The following FREM2 variants were observed in gnomAD, a reference collection of about 807,000 sequenced individuals.
FREM2 encodes FRAS1-related extracellular matrix protein 2.
A neutral mutation model predicts 219.9 loss-of-function variants in FREM2; 119 were observed. That is an observed-to-expected ratio of 0.54 (90% CI 0.47 to 0.63). The LOEUF is 0.63. FREM2 is among the 30% of genes least tolerant of loss of function. The pLI is 0.00. For synonymous variants in FREM2, 1,562 were observed against 1,522.8 expected (o/e 1.03, Z -0.60); for missense variants, 4,030 against 3,993.6 (o/e 1.01, Z -0.25).
intron 8 of FREM2, 56 bp downstream of exon 8, chr13:38,848,726 T>C (rs2137909095): frequency 7.3e-7 from 1 of 1,370,140 alleles, no homozygotes; most frequent in Non-Finnish European, 1.0e-6. Flanking sequence ...TAAGCTAAGG[T>C]TTATGTATAT....
intron 8 of FREM2, 23 bp from the exon 9 acceptor site, chr13:38,850,015 A>G: frequency 6.2e-7 from 1 of 1,602,190 alleles, no homozygotes; most frequent in Non-Finnish European, 8.6e-7. Context: ...ATTTCTGTTC[A>G]CTTTAATCCT....
chr13:38,697,691 T>C lies in FREM2; in HGVS notation c.5174-7T>C. On this transcript the variant is annotated splice_region_variant and splice_polypyrimidine_tract_variant and intron_variant, in intron 1 of 23. Coordinates refer to ENST00000280481, the MANE Select transcript of FREM2 (RefSeq NM_207361.6). ...ATTAATCATCTTGTTTTTTGGTTAT[T>C]TTCTAGCTGACATTGATGACATGAA... 1.3e-6 allele frequency: 2 copies of C among 1,543,706 alleles called. No homozygotes were observed. The highest frequency in any genetic ancestry group is 2.7e-5 in the African/African-American group (2 of 73,764).
chr13:38,708,222 A>G (rs1870617306), intron 2 of FREM2, among the ~76,000 whole-genome samples: 1 of 152,246 alleles, frequency 6.6e-6, no homozygotes, highest in African/African-American at 2.4e-5. Context: ...GTGCCTGAGT[A>G]CATATAGGTG....
intron 6 of FREM2, among the ~76,000 whole-genome samples, chr13:38,808,582 G>C (rs1239527603): frequency 6.6e-6 from 1 of 151,834 alleles, no homozygotes; most frequent in East Asian, 2.0e-4. Context: ...GGAATACAGA[G>C]GCCCAAGGAA....
rs1214328794 is a variant in FREM2, at chr13:38,738,571, A to T, written c.5264-25733A>T. Reference sequence around the variant, plus strand: ...ACAGAGTGAGACTCCATCTCAAAAAAAAAAAAAAAAAAAAAAAAAAGAGAG... The same window carrying T: ...ACAGAGTGAGACTCCATCTCAAAAATAAAAAAAAAAAAAAAAAAAAGAGAG... On this transcript the variant is annotated intron_variant, in intron 2 of 23. Transcript: ENST00000280481. Among the ~76,000 whole-genome samples, 22 of 146,212 alleles carry T rather than the reference A, an allele frequency of 1.5e-4. No individual in the cohort carries two copies. In the East Asian group the frequency reaches 2.5e-3, roughly 17 times the overall value.
intron 6 of FREM2, among the ~76,000 whole-genome samples, chr13:38,826,331 G>GCATTT (rs1876284014): frequency 6.6e-6 from 1 of 152,086 alleles, no homozygotes; most frequent in South Asian, 2.1e-4. Flanking sequence ...CCAGTGTCGG[G>GCATTT]CATTTCGTAA....
At position 38,689,197 on chromosome 13, in the gene FREM2, C is replaced by T; in HGVS notation, c.1853C>T (p.Pro618Leu). 6.2e-7 allele frequency: 1 copy of T among 1,614,082 alleles called. No homozygotes were observed. The highest frequency in any genetic ancestry group is 8.5e-7 in the Non-Finnish European group (1 of 1,180,026). Residue 618 changes from proline (P) to leucine (L), a missense_variant, in exon 1 of 24, where the codon CCC becomes CTC. Pro to Leu is a moderately conservative substitution (Grantham distance 98). Coordinates refer to ENST00000280481, the MANE Select transcript of FREM2 (RefSeq NM_207361.6). ...GHLLLRQTHP[P>L]HEKQELLRGL... ...CTGCTTCTCCGCCAAACTCACCCTC[C>T]CCATGAGAAGCAGGAACTTCTCAGA... is the stretch of plus-strand genomic sequence containing the variant.
At chr13:38,756,126 C>A (rs192145295) in intron 2 of FREM2, among the ~76,000 whole-genome samples, 20 of 152,320 alleles carry the variant, frequency 1.3e-4, no homozygotes, top group African/African-American at 4.3e-4. Context: ...CATTTTTCTG[C>A]TCCTGTGCTC....
rs140143439 is a variant in FREM2, at chr13:38,775,227, G to A, written c.5641+5419G>A. ...CATTCTTATTTTTGAAATTCTACACGTTGTCAGTGTTGACATAAGGAGGTC... is the reference window on the plus strand; with the variant it reads ...CATTCTTATTTTTGAAATTCTACACATTGTCAGTGTTGACATAAGGAGGTC... On this transcript the variant is annotated intron_variant, in intron 4 of 23. Coordinates refer to ENST00000280481, the MANE Select transcript of FREM2 (RefSeq NM_207361.6). 1.3e-3 allele frequency among the ~76,000 whole-genome samples: 195 copies of A among 152,232 alleles called. 6 individuals are homozygous for A. The East Asian group carries it at 0.035, about 28-fold the overall frequency.
intron 7 of FREM2, 124 bp downstream of exon 7, chr13:38,846,846 C>A: frequency 2.8e-6 from 3 of 1,075,002 alleles, no homozygotes; most frequent in Non-Finnish European, 4.3e-6. Context: ...ATTGTTTTTG[C>A]TGAAATTATT....
intron 6 of FREM2, among the ~76,000 whole-genome samples, chr13:38,804,008 T>G (rs1301364888): frequency 6.6e-6 from 1 of 152,038 alleles, no homozygotes; most frequent in Non-Finnish European, 1.5e-5. Context: ...TTATTTGCAT[T>G]ACGCTTGCAA....
Position 38,885,537 on chromosome 13 carries a change from T to A in FREM2, c.*4750T>A, listed in dbSNP as rs1878698011. 6.6e-6 allele frequency: 1 copy of A among 152,140 alleles called. No individual in the cohort carries two copies. Among genetic ancestry groups the A allele is most frequent in the Non-Finnish European group, 1.5e-5 (1 of 68,000 alleles). 9.4% of individuals were successfully genotyped at this position (152,140 alleles called of 1,614,324 possible). ...TAATTTGTTGAACTATAGGTTTCTT[T>A]CTGAGATGTATTTTTCATTCTTCCA... On this transcript the variant is annotated 3_prime_UTR_variant, in exon 24 of 24. Coordinates refer to ENST00000280481, the MANE Select transcript of FREM2 (RefSeq NM_207361.6).
intron 2 of FREM2, among the ~76,000 whole-genome samples, chr13:38,713,469 G>T (rs904343810): frequency 2.0e-5 from 3 of 152,086 alleles, no homozygotes; most frequent in Non-Finnish European, 4.4e-5. Context: ...ATTATTTTTT[G>T]TCACCTACTG....
intron 6 of FREM2, among the ~76,000 whole-genome samples, chr13:38,797,744 T>C (rs1874849628): frequency 6.6e-6 from 1 of 152,044 alleles, no homozygotes; most frequent in South Asian, 2.1e-4. Flanking sequence ...TAGTAGTTCT[T>C]AGTTTTTATA....
At chr13:38,750,704 T>C (rs1283429155) in intron 2 of FREM2, among the ~76,000 whole-genome samples, 2 of 152,112 alleles carry the variant, frequency 1.3e-5, no homozygotes, top group Admixed American at 6.6e-5. Flanking sequence ...TTCTTCTTTT[T>C]TTTTTTTGAG....
At chr13:38,789,529 A>T (rs56259575) in intron 6 of FREM2, among the ~76,000 whole-genome samples, 55 of 149,402 alleles carry the variant, frequency 3.7e-4, no homozygotes, top group Non-Finnish European at 5.3e-4. Flanking sequence ...GTTTTTTTTT[A>T]AAAAAAGCTA....
chr13:38,769,821 G>A lies in FREM2; in HGVS notation c.5641+13G>A, dbSNP rs371930992. The A allele has an allele frequency of 1.1e-5, 17 of 1,592,904 alleles. No homozygotes were observed. Among genetic ancestry groups the A allele is most frequent in the East Asian group, 2.2e-5 (1 of 44,750 alleles). On this transcript the variant is annotated intron_variant, in intron 4 of 23. Coordinates refer to ENST00000280481, the MANE Select transcript of FREM2 (RefSeq NM_207361.6). The stretch of plus-strand genomic sequence containing the variant: ...GATCCAGGAGATGGTAAGAGCCATC[G>A]TCAACTGGTTTATGTTGTTGCTGTT...
chr13:38,880,361 C>A lies in FREM2; in HGVS notation c.9084C>A (p.Gly3028=), dbSNP rs778608537. The change falls in exon 24 of 24, where the codon GGC becomes GGA. Residue 3028 remains glycine, a synonymous_variant. Transcript: ENST00000280481. ...AAGACAATGCCAATCGAGGTATTGG[C>A]AAAAGAAGTGTGGAGTACCATTCTC... ...RSKDNANRGI[G]KRSVEYHSLV... The A allele has an allele frequency of 1.3e-5, 21 of 1,613,848 alleles. 1 individual carries two copies. In the South Asian group the frequency reaches 1.5e-4, roughly 12 times the overall value.
intron 5 of FREM2, among the ~76,000 whole-genome samples, chr13:38,783,784 T>C (rs1200187923): frequency 1.3e-5 from 2 of 152,210 alleles, no homozygotes; most frequent in East Asian, 3.8e-4. Flanking sequence ...TGAAAGGCAG[T>C]ACAGAAGAGT....
Sources: gnomAD v4.1 joint callset for allele counts (sites outside exome capture counted in the v4.1 genomes callset) on GRCh38, gnomAD v4.1.1 for gene constraint, MANE v1.5 for transcripts, NCBI Gene and HGNC (gene_info 2026-07-23, HGNC 2026-07-21) for gene names.